BMPR1A: variants seen among roughly 807,000 people sequenced by gnomAD.
The protein encoded by BMPR1A is bone morphogenetic protein receptor type-1A.
In BMPR1A, 7 loss-of-function variants were observed where a neutral mutation model predicts 66.0. The observed-to-expected ratio is 0.11, with a 90% CI of 0.06 to 0.20. The LOEUF (loss-of-function observed/expected upper bound fraction) is 0.20, where lower values mean the gene tolerates loss of function less well. Ranked by LOEUF, BMPR1A falls within the 10% of genes least tolerant of loss-of-function variation. The pLI is 1.00. For missense variants in BMPR1A, 408 were observed against 669.1 expected, an observed-to-expected ratio of 0.61 and a Z score of 4.31; for synonymous variants, 200 against 229.7, an observed-to-expected ratio of 0.87 and a Z score of 1.17.
chr10:86,827,120 A>G (rs965784160), intron 1 of BMPR1A, among the ~76,000 whole-genome samples: 3 of 152,132 alleles, frequency 2.0e-5, no homozygotes, highest in Non-Finnish European at 4.4e-5. Flanking sequence ...CCTCAAGACA[A>G]TTATTCCTCC....
chr10:86,840,662 A>G (rs182185277), intron 2 of BMPR1A, among the ~76,000 whole-genome samples: 113 of 152,180 alleles, frequency 7.4e-4, no homozygotes, highest in African/African-American at 2.6e-3. Context: ...CAGATGGCTC[A>G]GCTTAGTGCC....
chr10:86,883,255 G>C lies in BMPR1A; in HGVS notation c.68-6807G>C, dbSNP rs533739583. On this transcript the variant is annotated intron_variant, in intron 3 of 12. Coordinates refer to ENST00000372037, the MANE Select transcript of BMPR1A (RefSeq NM_004329.3). ...TGTAATCACAGCATTTTGGGAGGCT[G>C]AGGCAGGCAGATCACTTGAGGTCAG... Among the ~76,000 whole-genome samples, 3 of 152,206 alleles carry C rather than the reference G, an allele frequency of 2.0e-5. No homozygotes were observed. The South Asian group carries it at 6.2e-4, about 32-fold the overall frequency.
At chr10:86,864,486 T>C (rs1842754459) in intron 2 of BMPR1A, among the ~76,000 whole-genome samples, 1 of 152,232 alleles carries the variant, frequency 6.6e-6, no homozygotes, top group Non-Finnish European at 1.5e-5. Context: ...CCTAGTTGAC[T>C]CTTCAGCTGC....
intron 2 of BMPR1A, among the ~76,000 whole-genome samples, chr10:86,871,534 G>A (rs1564709274): frequency 6.6e-6 from 1 of 152,214 alleles, no homozygotes; most frequent in African/African-American, 2.4e-5. Context: ...TCTAGGGCCA[G>A]GCGGTGGTGG....
chr10:86,811,085 C>A (rs1428090550), intron 1 of BMPR1A, among the ~76,000 whole-genome samples: 1 of 152,190 alleles, frequency 6.6e-6, no homozygotes, highest in Non-Finnish European at 1.5e-5. Context: ...GTTGCCCTGG[C>A]TGGAGTGCCG....
At chr10:86,830,150 G>C (rs752734338) in intron 1 of BMPR1A, among the ~76,000 whole-genome samples, 1 of 152,162 alleles carries the variant, frequency 6.6e-6, no homozygotes, top group Non-Finnish European at 1.5e-5. Context: ...GGTGTAAGGG[G>C]TTTCTGCCTA....
chr10:86,889,590 G>A (rs1172313151), intron 3 of BMPR1A: 2 of 167,872 alleles, frequency 1.2e-5, no homozygotes, highest in African/African-American at 4.8e-5. Flanking sequence ...TGGCAGGGGA[G>A]AGACCACGGT....
At chr10:86,780,274 T>G (rs1191517549) in intron 1 of BMPR1A, among the ~76,000 whole-genome samples, 1 of 152,230 alleles carries the variant, frequency 6.6e-6, no homozygotes, top group Non-Finnish European at 1.5e-5. Flanking sequence ...ATGATGTTAA[T>G]GGGTTCTTTT....
chr10:86,808,091 A>C lies in BMPR1A; in HGVS notation c.-267-30774A>C, dbSNP rs559050624. 2.0e-5 allele frequency among the ~76,000 whole-genome samples: 3 copies of C among 152,284 alleles called. No homozygotes were observed. In the South Asian group the frequency reaches 6.2e-4, roughly 32 times the overall value. ...CTTACTGATGCAATATCTTTAATAG[A>C]TATAGGCCTATTTGGATTATCTATA... is the stretch of plus-strand genomic sequence containing the variant. On this transcript the variant is annotated intron_variant, in intron 1 of 12. Transcript: ENST00000372037.
At chr10:86,772,206 G>T (rs946539448) in intron 1 of BMPR1A, among the ~76,000 whole-genome samples, 4 of 141,820 alleles carry the variant, frequency 2.8e-5, no homozygotes, top group African/African-American at 1.1e-4. Context: ...TCTTGGCTCA[G>T]TGCAAGCTCC....
At chr10:86,759,930 A>G (rs987387848) in intron 1 of BMPR1A, among the ~76,000 whole-genome samples, 2 of 151,954 alleles carry the variant, frequency 1.3e-5, no homozygotes, top group Non-Finnish European at 2.9e-5. Context: ...TTTCAAATCT[A>G]GTGTTATTTG....
Position 86,906,702 on chromosome 10 carries a change from C to T in BMPR1A, c.531-5538C>T, listed in dbSNP as rs553964591. 1.4e-3 allele frequency among the ~76,000 whole-genome samples: 37 copies of T among 25,722 alleles called. 5 individuals are homozygous for T. Among genetic ancestry groups the T allele is most frequent in the African/African-American group, 5.0e-3 (8 of 1,588 alleles). 16.9% of individuals were successfully genotyped at this position (25,722 alleles called of 152,430 possible). A position where few individuals can be genotyped will look rare whatever the true frequency, so the allele number is the denominator to read the frequency against. ...TCGCGCCACTGCACTCCAGCCTGGG[C>T]GACAGAGTGAGACTCCGTCTCAAAA... On this transcript the variant is annotated intron_variant, in intron 7 of 12. Coordinates refer to ENST00000372037, the MANE Select transcript of BMPR1A (RefSeq NM_004329.3).
chr10:86,898,469 A>G (rs968592011), intron 5 of BMPR1A, among the ~76,000 whole-genome samples: 2 of 152,174 alleles, frequency 1.3e-5, no homozygotes, highest in African/African-American at 4.8e-5. Context: ...ATACAAACGC[A>G]TCGTAAGATC....
chr10:86,834,713 T>C (rs991002842), intron 1 of BMPR1A, among the ~76,000 whole-genome samples: 1 of 152,226 alleles, frequency 6.6e-6, no homozygotes, highest in Admixed American at 6.5e-5. Flanking sequence ...AAAGTAACTG[T>C]TCATTTGAGT....
intron 3 of BMPR1A, among the ~76,000 whole-genome samples, chr10:86,877,398 G>A (rs1433255216): frequency 1.3e-5 from 2 of 151,852 alleles, no homozygotes; most frequent in Admixed American, 6.6e-5. Flanking sequence ...TAGTAGAGAC[G>A]GGGTTTCACC....
intron 7 of BMPR1A, among the ~76,000 whole-genome samples, chr10:86,901,685 G>A (rs756238070): frequency 2.0e-5 from 3 of 152,158 alleles, no homozygotes; most frequent in African/African-American, 4.8e-5. Context: ...GTAAAAGCAA[G>A]CAAGTATGCT....
chr10:86,900,187 T>TGACA, intron 7 of BMPR1A, 61 bp downstream of exon 7: 1 of 1,515,546 alleles, frequency 6.6e-7, no homozygotes, highest in Non-Finnish European at 9.1e-7. Flanking sequence ...CAACCGCTGT[T>TGACA]TGTAAAGCCA....
chr10:86,831,637 G>A (rs1274165351), intron 1 of BMPR1A, among the ~76,000 whole-genome samples: 2 of 152,176 alleles, frequency 1.3e-5, no homozygotes, highest in African/African-American at 4.8e-5. Context: ...GTTGGCACTT[G>A]CCTGTAGTCC....
intron 2 of BMPR1A, among the ~76,000 whole-genome samples, chr10:86,867,844 CTTGTG>C (rs1265050851): frequency 6.6e-6 from 1 of 151,916 alleles, no homozygotes; most frequent in African/African-American, 2.4e-5. Flanking sequence ...AGAGTTTATA[CTTGTG>C]TTGGGGAAAC....
Sources: allele counts gnomAD v4.1 joint callset (sites outside exome capture counted in the v4.1 genomes callset), GRCh38; gene constraint gnomAD v4.1.1; transcripts MANE v1.5; gene names NCBI Gene and HGNC (gene_info 2026-07-23, HGNC 2026-07-21).